The following PTPRE variants were observed in gnomAD, a reference collection of about 807,000 sequenced individuals.
PTPRE encodes the protein receptor-type tyrosine-protein phosphatase epsilon.
A neutral mutation model predicts 102.0 loss-of-function variants in PTPRE; 51 were observed. The ratio of observed to expected loss-of-function variants is 0.50; its 90% CI spans 0.40 to 0.63. PTPRE has a LOEUF of 0.63. PTPRE is among the 30% of genes least tolerant of loss of function. The pLI is 0.00. For synonymous variants in PTPRE, 345 were observed against 348.2 expected (o/e 0.99, Z 0.10); for missense variants, 752 against 915.1 (o/e 0.82, Z 2.30).
At chr10:127,915,016 T>C (rs1027795890) in intron 1 of PTPRE, among the ~76,000 whole-genome samples, 5 of 152,358 alleles carry the variant, frequency 3.3e-5, no homozygotes, top group Middle Eastern at 6.8e-3. Context: ...AAAGCCTGAA[T>C]ATTGTGGATT....
chr10:127,940,174 A>T (rs1848136553), intron 1 of PTPRE, among the ~76,000 whole-genome samples: 1 of 152,042 alleles, frequency 6.6e-6, no homozygotes, highest in Non-Finnish European at 1.5e-5. Context: ...GAGGTGGCTG[A>T]CAGCTTCACC....
rs372991882 is a variant in PTPRE, at chr10:128,047,607, C to A, written c.209+118C>A. ...GCAGCTGAGAGGCTGGGTGGCTGGG[C>A]CTGGGAGACACACAGAGGCCAGGCC... On this transcript the variant is annotated intron_variant, in intron 4 of 20. Transcript: ENST00000254667. 1.9e-6 allele frequency: 3 copies of A among 1,613,508 alleles called. No individual in the cohort carries two copies. The African/African-American group carries it at 4.0e-5, about 22-fold the overall frequency.
intron 5 of PTPRE, among the ~76,000 whole-genome samples, chr10:128,049,041 T>C (rs541385011): frequency 6.6e-6 from 1 of 152,282 alleles, no homozygotes; most frequent in South Asian, 2.1e-4. Flanking sequence ...TGGTTTTCCC[T>C]TGGAGCTTAT....
At chr10:128,016,130 C>T (rs1300007111) in intron 2 of PTPRE, among the ~76,000 whole-genome samples, 2 of 152,116 alleles carry the variant, frequency 1.3e-5, no homozygotes, top group East Asian at 3.9e-4. Context: ...GATGTTCCTC[C>T]AGGGGACCAG....
chr10:128,020,363 TG>T (rs1845777072), intron 2 of PTPRE, among the ~76,000 whole-genome samples: 1 of 152,220 alleles, frequency 6.6e-6, no homozygotes. Flanking sequence ...ATTATGACGC[TG>T]AGTTCAGGTA....
chr10:128,068,494 A>T, intron 12 of PTPRE: 5 of 469,900 alleles, frequency 1.1e-5, no homozygotes, highest in Non-Finnish European at 1.4e-5. Flanking sequence ...CAGTCGATAA[A>T]ACCCACCAAA....
At position 128,077,737 on chromosome 10, in the gene PTPRE, A is replaced by C. The variant is rs951471946; in HGVS notation, c.1846A>C (p.Lys616Gln). ...GMIDLIAAVQ[K>Q]QQQQTGNHPI... ...GATTGACCTCATCGCAGCCGTGCAG[A>C]AGCAGCAGCAGCAGACAGGCAACCA... The change falls in exon 19 of 21, where the codon AAG (lysine) becomes CAG (glutamine). Residue 616 changes from lysine to glutamine, a missense_variant. Physicochemically the swap from Lys to Gln is moderately conservative, Grantham distance 53 (BLOSUM62 1). This residue lies in a region of PTPRE where 636 missense variants were observed against 824.4 expected (regional missense o/e 0.77). Transcript: ENST00000254667. 32 of 1,609,552 alleles carry C rather than the reference A, an allele frequency of 2.0e-5. No individual in the cohort carries two copies. Among genetic ancestry groups the C allele is most frequent in the Non-Finnish European group, 2.6e-5 (31 of 1,176,352 alleles).
At chr10:128,044,880 C>T (rs920787873) in intron 3 of PTPRE, among the ~76,000 whole-genome samples, 5 of 152,204 alleles carry the variant, frequency 3.3e-5, no homozygotes, top group Non-Finnish European at 7.3e-5. Context: ...GAATTTCTTA[C>T]CAATATTTAA....
intron 7 of PTPRE, among the ~76,000 whole-genome samples, chr10:128,057,851 G>A (rs1310904264): frequency 2.6e-5 from 4 of 152,202 alleles, no homozygotes; most frequent in Non-Finnish European, 4.4e-5. Context: ...CAGAAAGAGG[G>A]GAGGCAACTT....
At chr10:127,932,373 T>A (rs1039401298) in intron 1 of PTPRE, among the ~76,000 whole-genome samples, 1 of 152,196 alleles carries the variant, frequency 6.6e-6, no homozygotes, top group Admixed American at 6.5e-5. Context: ...CAAACTTACG[T>A]TAAGTGCTTA....
chr10:128,037,804 AT>A (rs1847338462), intron 2 of PTPRE, among the ~76,000 whole-genome samples: 2 of 151,968 alleles, frequency 1.3e-5, no homozygotes, highest in African/African-American at 4.8e-5. Flanking sequence ...AAAATTCTGC[AT>A]TTTTTTATAT....
intron 1 of PTPRE, among the ~76,000 whole-genome samples, chr10:127,916,010 A>G (rs1485718726): frequency 6.6e-6 from 1 of 150,692 alleles, no homozygotes; most frequent in East Asian, 1.9e-4. Context: ...AAAAAAAAAA[A>G]GGCACGATGG....
chr10:127,934,266 G>A (rs896655700), intron 1 of PTPRE: 3 of 152,188 alleles, frequency 2.0e-5, no homozygotes, highest in Non-Finnish European at 4.4e-5. Context: ...GGTGTTCATT[G>A]TATTGCTTCA....
Position 128,034,098 on chromosome 10 carries a change from G to A in PTPRE, c.-7-6777G>A, listed in dbSNP as rs139341972. ...GATGTTGAATTTTTAAAACACTGCCGCTTTGTAGTATGCACTTTCTCTCTC... is the reference window on the plus strand; with the variant it reads ...GATGTTGAATTTTTAAAACACTGCCACTTTGTAGTATGCACTTTCTCTCTC... On this transcript the variant is annotated intron_variant, in intron 2 of 20. Transcript: ENST00000254667. Among the ~76,000 whole-genome samples the A allele has an allele frequency of 2.5e-4, 38 of 152,232 alleles. No homozygotes were observed. In the East Asian group the frequency reaches 5.6e-3, roughly 22 times the overall value.
At chr10:127,989,870 A>G (rs1852456327) in intron 2 of PTPRE, among the ~76,000 whole-genome samples, 1 of 152,152 alleles carries the variant, frequency 6.6e-6, no homozygotes, top group African/African-American at 2.4e-5. Flanking sequence ...CAGCTTTCTA[A>G]TCTCTTTTCA....
chr10:128,031,209 C>G (rs1029342376), intron 2 of PTPRE, among the ~76,000 whole-genome samples: 1 of 152,234 alleles, frequency 6.6e-6, no homozygotes, highest in Non-Finnish European at 1.5e-5. Flanking sequence ...AAAAGTGTAG[C>G]GTAAACCTAC....
intron 1 of PTPRE, among the ~76,000 whole-genome samples, chr10:127,939,214 C>A (rs4751551): frequency 0.25 from 38,542 of 152,070 alleles, 5,264 homozygotes; most frequent in East Asian, 0.42. Flanking sequence ...AGTAACATGA[C>A]TTGAGAAATT....
intron 11 of PTPRE, among the ~76,000 whole-genome samples, chr10:128,066,876 G>A (rs1048600236): frequency 5.9e-5 from 9 of 151,846 alleles, no homozygotes; most frequent in African/African-American, 1.9e-4. Flanking sequence ...GCACACAGGC[G>A]CACACAGGCA....
At chr10:128,080,744 T>C (rs1590262047) in intron 20 of PTPRE, among the ~76,000 whole-genome samples, 1 of 152,244 alleles carries the variant, frequency 6.6e-6, no homozygotes, top group African/African-American at 2.4e-5. Flanking sequence ...ATCTGTGCTC[T>C]CTTGCCTGGT....
Sources: gnomAD v4.1 joint callset for allele counts (sites outside exome capture counted in the v4.1 genomes callset) on GRCh38, gnomAD v4.1.1 for gene constraint, gnomAD v4.1.1 regional missense constraint, MANE v1.5 for transcripts, NCBI Gene and HGNC (gene_info 2026-07-23, HGNC 2026-07-21) for gene names.